The following DYNC1I1 variants were observed in gnomAD, a reference collection of about 807,000 sequenced individuals.
DYNC1I1 encodes the protein cytoplasmic dynein 1 intermediate chain 1.
Under a neutral mutation model 86.6 loss-of-function variants are expected in DYNC1I1, and 43 were observed. The observed-to-expected ratio is 0.50, with a 90% CI of 0.39 to 0.64. DYNC1I1 has a LOEUF of 0.64. DYNC1I1 is among the 30% of genes least tolerant of loss of function. The pLI is 0.00. For synonymous variants in DYNC1I1, 262 were observed against 283.7 expected (o/e 0.92, Z 0.77); for missense variants, 604 against 788.8 (o/e 0.77, Z 2.81).
intron 6 of DYNC1I1, among the ~76,000 whole-genome samples, chr7:95,952,522 A>G (rs1280131335): frequency 1.3e-5 from 2 of 152,062 alleles, no homozygotes; most frequent in Admixed American, 6.5e-5. Context: ...CCACTTTACT[A>G]GCAAAACCTA....
At chr7:95,830,432 CT>C (rs1795295969) in intron 5 of DYNC1I1, among the ~76,000 whole-genome samples, 1 of 152,074 alleles carries the variant, frequency 6.6e-6, no homozygotes, top group Non-Finnish European at 1.5e-5. Context: ...CTTAGTTTGC[CT>C]TTCCTAGATT....
At chr7:95,960,769 T>A (rs1792845823) in intron 6 of DYNC1I1, among the ~76,000 whole-genome samples, 1 of 152,192 alleles carries the variant, frequency 6.6e-6, no homozygotes, top group South Asian at 2.1e-4. Flanking sequence ...GAAGCTCCTT[T>A]GCAGATGAAT....
chr7:95,804,391 CTT>C, intron 1 of DYNC1I1: 1 of 1,270,762 alleles, frequency 7.9e-7, no homozygotes, highest in South Asian at 1.3e-5. Context: ...TTTTGATTCT[CTT>C]ATTTATTTTT....
In DYNC1I1 at chr7:96,098,349, G is replaced by A. The variant is rs1189962496; in HGVS notation, c.*756G>A. ...TCATTGACCACTAATACTTCTCACTGAAGCTAACACAGTCTGACAAAAGTC... is the reference window on the plus strand; with the variant it reads ...TCATTGACCACTAATACTTCTCACTAAAGCTAACACAGTCTGACAAAAGTC... On this transcript the variant is annotated 3_prime_UTR_variant, in exon 17 of 17. Transcript: ENST00000447467. 1 of 985,592 alleles carries A rather than the reference G, an allele frequency of 1.0e-6. No individual in the cohort carries two copies. Among genetic ancestry groups the A allele is most frequent in the Non-Finnish European group, 1.2e-6 (1 of 829,938 alleles). 61.1% of individuals were successfully genotyped at this position (985,592 alleles called of 1,614,324 possible).
intron 14 of DYNC1I1, among the ~76,000 whole-genome samples, chr7:96,046,473 C>A (rs1207053787): frequency 1.3e-5 from 2 of 152,076 alleles, no homozygotes; most frequent in Non-Finnish European, 2.9e-5. Context: ...ATGTTAGTAT[C>A]CCATTTTATA....
chr7:96,107,762 G>A (rs939858429), intron 16 of DYNC1I1, among the ~76,000 whole-genome samples: 2 of 151,450 alleles, frequency 1.3e-5, no homozygotes, highest in South Asian at 2.1e-4. Flanking sequence ...TCCTGACCTC[G>A]TGATCCACCT....
At chr7:96,070,933 C>G (rs1315798865) in intron 14 of DYNC1I1, among the ~76,000 whole-genome samples, 1 of 152,132 alleles carries the variant, frequency 6.6e-6, no homozygotes, top group Non-Finnish European at 1.5e-5. Flanking sequence ...ATCTGCAGGT[C>G]TATTCATTTT....
chr7:96,053,966 T>A (rs1032297274), intron 14 of DYNC1I1, among the ~76,000 whole-genome samples: 8 of 152,214 alleles, frequency 5.3e-5, no homozygotes, highest in Non-Finnish European at 1.2e-4. Flanking sequence ...AAAATATAAT[T>A]AATTTTTTAA....
At chr7:96,060,916 C>A (rs1402121994) in intron 14 of DYNC1I1, among the ~76,000 whole-genome samples, 2 of 151,936 alleles carry the variant, frequency 1.3e-5, no homozygotes, top group East Asian at 3.9e-4. Context: ...AAAGGCAGCC[C>A]CAAAATGGAA....
At position 96,078,769 on chromosome 7, in the gene DYNC1I1, T is replaced by C. The variant is rs929475030; in HGVS notation, c.1651-1594T>C. ...ATTAGGTAATAGAATTAAGCAAGAA[T>C]CCTGTATGAACCTTCTAAATTATGG... On this transcript the variant is annotated intron_variant, in intron 15 of 16. Coordinates refer to ENST00000447467, the MANE Select transcript of DYNC1I1 (RefSeq NM_001135556.2). Among the ~76,000 whole-genome samples the C allele has an allele frequency of 5.3e-5, 8 of 152,290 alleles. No individual in the cohort carries two copies. The South Asian group carries it at 1.2e-3, about 24-fold the overall frequency.
At chr7:95,811,532 T>C (rs1794829637) in intron 3 of DYNC1I1, among the ~76,000 whole-genome samples, 1 of 152,034 alleles carries the variant, frequency 6.6e-6, no homozygotes, top group African/African-American at 2.4e-5. Context: ...AAGAACAATA[T>C]ATAATAAGCT....
chr7:95,779,771 T>C (rs1438962906), intron 1 of DYNC1I1, among the ~76,000 whole-genome samples: 4 of 152,200 alleles, frequency 2.6e-5, no homozygotes, highest in African/African-American at 9.7e-5. Context: ...GACTGAGTTC[T>C]TTTTCCCCTT....
At chr7:95,957,359 C>G (rs895571461) in intron 6 of DYNC1I1, among the ~76,000 whole-genome samples, 1 of 152,194 alleles carries the variant, frequency 6.6e-6, no homozygotes, top group African/African-American at 2.4e-5. Flanking sequence ...CACCCCAACC[C>G]TCCATTTATT....
At chr7:96,066,207 C>G (rs987092488) in intron 14 of DYNC1I1, among the ~76,000 whole-genome samples, 2 of 152,266 alleles carry the variant, frequency 1.3e-5, no homozygotes, top group South Asian at 2.1e-4. Context: ...CAGGTTTTTG[C>G]ATGTTTTGCT....
At chr7:95,897,270 G>C (rs541380580) in intron 6 of DYNC1I1, among the ~76,000 whole-genome samples, 41 of 152,204 alleles carry the variant, frequency 2.7e-4, no homozygotes, top group African/African-American at 8.4e-4. Context: ...TTTATAGAAA[G>C]GCACTTTATA....
chr7:96,033,209 C>G (rs1794853328), intron 12 of DYNC1I1, among the ~76,000 whole-genome samples: 1 of 152,166 alleles, frequency 6.6e-6, no homozygotes, highest in Non-Finnish European at 1.5e-5. Flanking sequence ...TATCCGTAGC[C>G]TAGACAACAG....
intron 4 of DYNC1I1, among the ~76,000 whole-genome samples, chr7:95,816,577 AGCAACAC>A (rs1794950582): frequency 6.6e-6 from 1 of 152,170 alleles, no homozygotes; most frequent in African/African-American, 2.4e-5. Flanking sequence ...TATACTGGCA[AGCAACAC>A]GCTCTTGGAT....
intron 16 of DYNC1I1, among the ~76,000 whole-genome samples, chr7:96,087,012 T>C (rs1790701376): frequency 1.3e-5 from 2 of 152,182 alleles, no homozygotes; most frequent in African/African-American, 2.4e-5. Context: ...TGTAGTGGCA[T>C]GTGATAAACT....
rs183818233 is a variant in DYNC1I1 at position 96,035,185 on chromosome 7, A to T, written c.1231-434A>T. Among the ~76,000 whole-genome samples, 4 of 152,326 alleles carry T rather than the reference A, an allele frequency of 2.6e-5. No individual in the cohort carries two copies. The East Asian group carries it at 7.7e-4, about 29-fold the overall frequency. The stretch of plus-strand genomic sequence containing the variant: ...ACAACTTTCTGGTTTTAGTCCATGG[A>T]GGACACATACTCCTGCTTTGACAAA... On this transcript the variant is annotated intron_variant, in intron 12 of 16. Transcript: ENST00000447467.
Sources: gnomAD v4.1 joint callset for allele counts (sites outside exome capture counted in the v4.1 genomes callset) on GRCh38, gnomAD v4.1.1 for gene constraint, MANE v1.5 for transcripts, NCBI Gene and HGNC (gene_info 2026-07-23, HGNC 2026-07-21) for gene names.